CDH9: variants seen among roughly 807,000 people sequenced by gnomAD.
CDH9 encodes cadherin-9.
In CDH9, 28 loss-of-function variants were observed where a neutral mutation model predicts 70.9. The ratio of observed to expected loss-of-function variants is 0.40; its 90% CI spans 0.29 to 0.54. CDH9 has a LOEUF of 0.54. Ranked by LOEUF, CDH9 falls within the 20% of genes least tolerant of loss-of-function variation. The probability of loss-of-function intolerance (pLI) is 0.59; values close to 1 mark genes in which losing one functional copy is unlikely to be tolerated. For missense variants in CDH9, 874 were observed against 984.4 expected, an observed-to-expected ratio of 0.89 and a Z score of 1.50; for synonymous variants, 409 against 343.1, an observed-to-expected ratio of 1.19 and a Z score of -2.12.
chr5:26,934,103 A>G (rs1579460344), intron 2 of CDH9, among the ~76,000 whole-genome samples: 1 of 152,106 alleles, frequency 6.6e-6, no homozygotes, highest in Non-Finnish European at 1.5e-5. Flanking sequence ...TATGGCAAGA[A>G]AGGAAGAAAG....
chr5:27,010,475 T>A (rs569643982), intron 1 of CDH9, among the ~76,000 whole-genome samples: 2 of 152,240 alleles, frequency 1.3e-5, no homozygotes, highest in South Asian at 4.1e-4. Context: ...ATCTTGCCAA[T>A]AATTTGTCAA....
chr5:27,036,883 T>C (rs1450004733), intron 1 of CDH9, among the ~76,000 whole-genome samples: 1 of 152,022 alleles, frequency 6.6e-6, no homozygotes, highest in Non-Finnish European at 1.5e-5. Context: ...AAACACATGC[T>C]ATTTATGTTA....
chr5:27,023,857 G>C (rs571867975), intron 1 of CDH9, among the ~76,000 whole-genome samples: 1 of 151,972 alleles, frequency 6.6e-6, no homozygotes, highest in South Asian at 2.1e-4. Flanking sequence ...TTCAAGACCA[G>C]TCTGGCCAAC....
At chr5:27,021,314 T>C (rs1439091274) in intron 1 of CDH9, among the ~76,000 whole-genome samples, 1 of 151,820 alleles carries the variant, frequency 6.6e-6, no homozygotes, top group African/African-American at 2.4e-5. Context: ...ATATTAATAG[T>C]CAGCACTTAT....
chr5:27,024,345 T>C (rs915825481), intron 1 of CDH9, among the ~76,000 whole-genome samples: 1 of 152,098 alleles, frequency 6.6e-6, no homozygotes, highest in African/African-American at 2.4e-5. Flanking sequence ...AATTATATGG[T>C]ATTTTTAAAA....
chr5:27,035,835 G>T (rs1323838170), intron 1 of CDH9, among the ~76,000 whole-genome samples: 1 of 151,540 alleles, frequency 6.6e-6, no homozygotes, highest in African/African-American at 2.4e-5. Context: ...GCCTTTGAGT[G>T]AGCAAAATTA....
chr5:27,035,762 T>C (rs1292831493), intron 1 of CDH9, among the ~76,000 whole-genome samples: 1 of 151,328 alleles, frequency 6.6e-6, no homozygotes, highest in African/African-American at 2.4e-5. Flanking sequence ...AAGTATTACA[T>C]TGGACATTTT....
chr5:26,923,038 C>T (rs1741271781), intron 2 of CDH9, among the ~76,000 whole-genome samples: 1 of 144,898 alleles, frequency 6.9e-6, no homozygotes, highest in South Asian at 2.2e-4. Flanking sequence ...TTTAAACCCT[C>T]CTATCTAAGA....
chr5:26,943,282 C>T (rs544540080), intron 2 of CDH9, among the ~76,000 whole-genome samples: 163 of 152,104 alleles, frequency 1.1e-3, no homozygotes, highest in Non-Finnish European at 1.7e-3. Flanking sequence ...GAGGCCGAGG[C>T]GGGCAGATCA....
chr5:26,922,306 G>A (rs1741259575), intron 2 of CDH9, among the ~76,000 whole-genome samples: 1 of 151,772 alleles, frequency 6.6e-6, no homozygotes, highest in Admixed American at 6.6e-5. Flanking sequence ...CCAAGGTCAA[G>A]GACACATAAA....
intron 1 of CDH9, among the ~76,000 whole-genome samples, chr5:27,016,816 C>T (rs769137309): frequency 9.2e-5 from 14 of 151,700 alleles, no homozygotes; most frequent in Admixed American, 2.6e-4. Flanking sequence ...TAAAAGAGCA[C>T]GTTGTTTCTT....
intron 1 of CDH9, among the ~76,000 whole-genome samples, chr5:27,020,208 T>C (rs1316445710): frequency 1.3e-5 from 2 of 151,792 alleles, no homozygotes; most frequent in Non-Finnish European, 3.0e-5. Flanking sequence ...AATTAATATT[T>C]AATTTAAAAA....
chr5:26,897,039 A>G (rs1740764683), intron 7 of CDH9, among the ~76,000 whole-genome samples: 1 of 152,016 alleles, frequency 6.6e-6, no homozygotes, highest in African/African-American at 2.4e-5. Flanking sequence ...TACTATAAAA[A>G]CCTCTATGCA....
intron 2 of CDH9, among the ~76,000 whole-genome samples, chr5:26,952,458 C>G (rs868007729): frequency 1.0e-4 from 1 of 9,960 alleles, no homozygotes; most frequent in South Asian, 4.4e-3. Context: ...ACTAAAAATA[C>G]AAAAAAAAAA....
In CDH9 at chr5:26,903,490, G is replaced by A. The variant is rs1033973418; in HGVS notation, c.999+147C>T. 5 of 734,834 alleles carry A rather than the reference G, an allele frequency of 6.8e-6. No individual in the cohort carries two copies. The African/African-American group carries it at 8.6e-5, about 13-fold the overall frequency. 45.5% of individuals were successfully genotyped at this position (734,834 alleles called of 1,614,324 possible). On this transcript the variant is annotated intron_variant, in intron 6 of 11. Coordinates refer to ENST00000231021, the MANE Select transcript of CDH9 (RefSeq NM_016279.4). ...TGAAGACATTTAACTTGCTTGAAGT[G>A]ATATCACAACTATTCTCATTTATCT...
intron 2 of CDH9, among the ~76,000 whole-genome samples, chr5:26,938,887 A>C (rs953856578): frequency 7.2e-5 from 11 of 152,138 alleles, no homozygotes; most frequent in African/African-American, 2.4e-4. Flanking sequence ...TATAAAGTTC[A>C]AGAACAGAAA....
intron 2 of CDH9, among the ~76,000 whole-genome samples, chr5:26,970,858 T>A (rs924951842): frequency 6.6e-6 from 1 of 152,146 alleles, no homozygotes; most frequent in Admixed American, 6.5e-5. Flanking sequence ...CCTACAGTGA[T>A]TCAAATGTCT....
chr5:26,948,124 C>T (rs1655957594), intron 2 of CDH9, among the ~76,000 whole-genome samples: 1 of 152,044 alleles, frequency 6.6e-6, no homozygotes, highest in African/African-American at 2.4e-5. Flanking sequence ...CAAAGGGAGA[C>T]TTAATTTATT....
chr5:26,892,567 C>T (rs895042491), intron 7 of CDH9, among the ~76,000 whole-genome samples: 1 of 152,142 alleles, frequency 6.6e-6, no homozygotes, highest in African/African-American at 2.4e-5. Flanking sequence ...ATTAAGGCAT[C>T]TTATTATGAA....
Sources: allele counts gnomAD v4.1 joint callset (sites outside exome capture counted in the v4.1 genomes callset), GRCh38; gene constraint gnomAD v4.1.1; transcripts MANE v1.5; gene names NCBI Gene and HGNC (gene_info 2026-07-23, HGNC 2026-07-21).